The following SYT1 variants were observed in gnomAD, a reference collection of about 807,000 sequenced individuals.
The protein encoded by SYT1 is synaptotagmin 1, also known as synaptotagmin-1.
Under a neutral mutation model 44.8 loss-of-function variants are expected in SYT1, and 8 were observed. The ratio of observed to expected loss-of-function variants is 0.18; its 90% CI spans 0.10 to 0.32. The LOEUF is 0.32. SYT1 is among the 10% of genes least tolerant of loss of function. The pLI, the probability that SYT1 is intolerant of heterozygous loss-of-function variation, is 1.00. For missense variants in SYT1, 286 were observed against 509.3 expected, an observed-to-expected ratio of 0.56 and a Z score of 4.22; for synonymous variants, 154 against 188.8, an observed-to-expected ratio of 0.82 and a Z score of 1.51.
At chr12:79,409,591 C>G (rs1403886253) in intron 9 of SYT1, among the ~76,000 whole-genome samples, 1 of 152,060 alleles carries the variant, frequency 6.6e-6, no homozygotes, top group Non-Finnish European at 1.5e-5. Context: ...TCCAGAACAG[C>G]CTTATTAGAG....
At position 79,155,377 on chromosome 12, in the gene SYT1, G is replaced by A. The variant is rs1292749664; in HGVS notation, c.-17-62126G>A. Among the ~76,000 whole-genome samples the A allele has an allele frequency of 7.2e-5, 11 of 152,318 alleles. No homozygotes were observed. The East Asian group carries it at 2.1e-3, about 29-fold the overall frequency. ...TAGTTAAAAATTCAGATGTTGGAAG[G>A]CAGGGACTCCCTAGGATCCCAGTGT... On this transcript the variant is annotated intron_variant, in intron 3 of 10. Transcript: ENST00000261205.
At chr12:79,430,371 T>C (rs1199492377) in intron 9 of SYT1, among the ~76,000 whole-genome samples, 1 of 152,206 alleles carries the variant, frequency 6.6e-6, no homozygotes, top group Admixed American at 6.5e-5. Context: ...TATGGACTAA[T>C]TTAAATATAA....
intron 2 of SYT1, among the ~76,000 whole-genome samples, chr12:79,003,181 T>C (rs994013158): frequency 6.6e-6 from 1 of 152,034 alleles, no homozygotes; most frequent in African/African-American, 2.4e-5. Flanking sequence ...TCCATTTTTT[T>C]CCCCTTAAAA....
At chr12:79,249,797 TTAAC>T (rs1877088564) in intron 4 of SYT1, among the ~76,000 whole-genome samples, 1 of 152,222 alleles carries the variant, frequency 6.6e-6, no homozygotes, top group South Asian at 2.1e-4. Flanking sequence ...ATTTTTCATG[TTAAC>T]AGCAGTTTAG....
At chr12:79,396,386 A>T (rs1884871338) in intron 9 of SYT1, among the ~76,000 whole-genome samples, 1 of 152,224 alleles carries the variant, frequency 6.6e-6, no homozygotes. Flanking sequence ...ATATTAATCC[A>T]GTCTTTCTCA....
At chr12:78,875,840 A>C (rs1313825561) in intron 1 of SYT1, among the ~76,000 whole-genome samples, 1 of 151,654 alleles carries the variant, frequency 6.6e-6, no homozygotes, top group Non-Finnish European at 1.5e-5. Flanking sequence ...TTTATACTCC[A>C]GTTTTATCTT....
At chr12:79,161,205 A>T (rs544564122) in intron 3 of SYT1, among the ~76,000 whole-genome samples, 7 of 152,278 alleles carry the variant, frequency 4.6e-5, no homozygotes, top group Middle Eastern at 3.4e-3. Flanking sequence ...GTGCCACTGC[A>T]ATCCAGCCTG....
chr12:79,398,250 C>T (rs1319258089), intron 9 of SYT1, among the ~76,000 whole-genome samples: 3 of 152,150 alleles, frequency 2.0e-5, no homozygotes, highest in Non-Finnish European at 2.9e-5. Context: ...TGAATGAATT[C>T]CATACTTTAA....
chr12:78,924,375 C>G (rs887508641), intron 1 of SYT1, among the ~76,000 whole-genome samples: 5 of 151,788 alleles, frequency 3.3e-5, no homozygotes, highest in Admixed American at 1.3e-4. Context: ...AACTAAATAT[C>G]CTGTTGCTGC....
rs543288163 is a variant in SYT1, at chr12:78,919,213, GGTATAAAA to G, written c.-217+54107_-217+54114del. 5.3e-5 allele frequency among the ~76,000 whole-genome samples: 8 copies of G among 152,128 alleles called. No homozygotes were observed. In the East Asian group the frequency reaches 1.6e-3, roughly 30 times the overall value. ...ATTTTTTTTAAAAAAAGTTGTGACA[GGTATAAAA>G]GTTTCTGGTTTATGAACAATAAAAA... On this transcript the variant is annotated intron_variant, in intron 1 of 10. Coordinates refer to ENST00000261205, the MANE Select transcript of SYT1 (RefSeq NM_005639.3).
intron 3 of SYT1, among the ~76,000 whole-genome samples, chr12:79,182,152 G>A (rs925176420): frequency 6.6e-6 from 1 of 152,016 alleles, no homozygotes; most frequent in Non-Finnish European, 1.5e-5. Flanking sequence ...CACTTGTCAA[G>A]CCCTTGTAAT....
intron 9 of SYT1, among the ~76,000 whole-genome samples, chr12:79,416,166 G>A (rs750891216): frequency 2.0e-5 from 3 of 152,154 alleles, no homozygotes; most frequent in Admixed American, 1.3e-4. Context: ...GGCCAAGTCT[G>A]AGCTGCTGAC....
At chr12:79,249,262 G>T (rs1036737811) in intron 4 of SYT1, among the ~76,000 whole-genome samples, 2 of 151,192 alleles carry the variant, frequency 1.3e-5, no homozygotes, top group Non-Finnish European at 2.9e-5. Flanking sequence ...CCGCCACCGC[G>T]CCCGGCTAAT....
intron 9 of SYT1, among the ~76,000 whole-genome samples, chr12:79,353,965 T>C (rs141841805): frequency 6.6e-6 from 1 of 152,302 alleles, no homozygotes; most frequent in African/African-American, 2.4e-5. Flanking sequence ...TTGGTCAAAA[T>C]TCACCCACGA....
At chr12:78,933,653 C>T (rs1173201878) in intron 1 of SYT1, among the ~76,000 whole-genome samples, 4 of 152,080 alleles carry the variant, frequency 2.6e-5, no homozygotes, top group Non-Finnish European at 2.9e-5. Flanking sequence ...ATGTCAGGTG[C>T]ACTCAACTTT....
chr12:79,424,544 T>C (rs1331844003), intron 9 of SYT1, among the ~76,000 whole-genome samples: 1 of 152,270 alleles, frequency 6.6e-6, no homozygotes, highest in East Asian at 1.9e-4. Flanking sequence ...CATGGCTGTA[T>C]TGATTTCTCA....
chr12:79,076,289 C>T (rs1205787600), intron 3 of SYT1, among the ~76,000 whole-genome samples: 1 of 152,074 alleles, frequency 6.6e-6, no homozygotes, highest in Non-Finnish European at 1.5e-5. Context: ...GGTTTTATGA[C>T]CTGCTTCAGG....
chr12:79,187,398 A>T (rs941772892), intron 3 of SYT1, among the ~76,000 whole-genome samples: 1 of 152,168 alleles, frequency 6.6e-6, no homozygotes, highest in Admixed American at 6.6e-5. Flanking sequence ...TAGCACCTCC[A>T]CTTTCTTTTT....
intron 1 of SYT1, among the ~76,000 whole-genome samples, chr12:78,876,758 A>G (rs1874118109): frequency 1.0e-5 from 1 of 99,610 alleles, no homozygotes; most frequent in Non-Finnish European, 1.9e-5. Flanking sequence ...ATTGTATATT[A>G]TATATATTAT....
Sources: allele counts gnomAD v4.1 joint callset (sites outside exome capture counted in the v4.1 genomes callset), GRCh38; gene constraint gnomAD v4.1.1; transcripts MANE v1.5; gene names NCBI Gene and HGNC (gene_info 2026-07-23, HGNC 2026-07-21).